RELN: variants seen among roughly 807,000 people sequenced by gnomAD.
RELN encodes the protein reelin.
Under a neutral mutation model 427.6 loss-of-function variants are expected in RELN, and 108 were observed. The observed-to-expected ratio is 0.25, with a 90% CI of 0.22 to 0.30. The LOEUF is 0.30. Ranked by LOEUF, RELN falls within the 10% of genes least tolerant of loss-of-function variation. The pLI is 1.00. For synonymous variants in RELN, 1,524 were observed against 1,513.4 expected, an observed-to-expected ratio of 1.01 and a Z score of -0.16; for missense variants, 3,715 against 4,302.8, an observed-to-expected ratio of 0.86 and a Z score of 3.82.
intron 30 of RELN, 24 bp downstream of exon 30, chr7:103,574,068 A>G (rs1414965377): frequency 6.4e-7 from 1 of 1,563,518 alleles, no homozygotes. Flanking sequence ...TTTGTGAAAA[A>G]GTATACCAGT....
chr7:103,891,328 T>C (rs1237861597), intron 2 of RELN, among the ~76,000 whole-genome samples: 1 of 152,122 alleles, frequency 6.6e-6, no homozygotes, highest in African/African-American at 2.4e-5. Flanking sequence ...AATTACAGCA[T>C]ATCATACTAA....
intron 5 of RELN, among the ~76,000 whole-genome samples, chr7:103,752,939 C>G (rs1407827968): frequency 1.3e-5 from 2 of 152,094 alleles, no homozygotes; most frequent in Non-Finnish European, 2.9e-5. Context: ...AATAGGATCT[C>G]AGGGCTGAGG....
chr7:103,533,701 C>T (rs889750521), intron 46 of RELN, among the ~76,000 whole-genome samples: 2 of 152,118 alleles, frequency 1.3e-5, no homozygotes, highest in African/African-American at 4.8e-5. Context: ...GGTCAAAATT[C>T]TTGTGGGTAT....
intron 1 of RELN, among the ~76,000 whole-genome samples, chr7:103,962,249 C>T (rs1796572857): frequency 6.6e-6 from 1 of 152,134 alleles, no homozygotes; most frequent in East Asian, 1.9e-4. Flanking sequence ...AGCACAGCCA[C>T]TCCCTCCACT....
chr7:103,809,379 C>A (rs115021569), intron 3 of RELN, among the ~76,000 whole-genome samples: 4 of 152,098 alleles, frequency 2.6e-5, no homozygotes, highest in Non-Finnish European at 5.9e-5. Context: ...ACAAAGGAAA[C>A]TGGAGGTCCA....
Position 103,563,294 on chromosome 7 carries a change from GA to G in RELN, c.5211-1342del, listed in dbSNP as rs377660384. ...GGTCTCATAAGATTATAATGGATCT[GA>G]AAAAAAATTCCTATTGCTAATTGAC... On this transcript the variant is annotated intron_variant, in intron 34 of 64. Coordinates refer to ENST00000428762, the MANE Select transcript of RELN (RefSeq NM_005045.4). This position sits in a 1 kb window ranked among gnomAD's most constrained non-coding sequence, Gnocchi z 4.1. Among the ~76,000 whole-genome samples, 4 of 152,054 alleles carry G rather than the reference GA, an allele frequency of 2.6e-5. No individual in the cohort carries two copies. Among genetic ancestry groups the G allele is most frequent in the South Asian group, 2.1e-4 (1 of 4,810 alleles).
At chr7:103,881,521 G>T in intron 2 of RELN, among the ~76,000 whole-genome samples, 1 of 151,948 alleles carries the variant, frequency 6.6e-6, no homozygotes, top group African/African-American at 2.4e-5. Flanking sequence ...TTATGTCATT[G>T]ACCTACTTCC....
intron 63 of RELN, among the ~76,000 whole-genome samples, chr7:103,478,895 C>G (rs1305918865): frequency 2.0e-5 from 3 of 151,990 alleles, no homozygotes; most frequent in African/African-American, 7.2e-5. Flanking sequence ...ATCATTTGTG[C>G]CAAAAATGTG....
At chr7:103,960,848 G>T (rs1167737912) in intron 1 of RELN, among the ~76,000 whole-genome samples, 1 of 152,180 alleles carries the variant, frequency 6.6e-6, no homozygotes, top group East Asian at 1.9e-4. Context: ...AAATGGCAAA[G>T]CCAATGTAAT....
At chr7:103,554,333 T>C (rs1830479003) in intron 38 of RELN, among the ~76,000 whole-genome samples, 1 of 150,152 alleles carries the variant, frequency 6.7e-6, no homozygotes, top group Non-Finnish European at 1.5e-5. Context: ...TCCCAGCACT[T>C]TGGGGGCCCA....
At chr7:103,737,428 T>C (rs557888911) in intron 6 of RELN, among the ~76,000 whole-genome samples, 21 of 152,336 alleles carry the variant, frequency 1.4e-4, no homozygotes, top group Non-Finnish European at 2.8e-4. Context: ...TTCTCACACT[T>C]GGCTACTAAA....
At chr7:103,937,963 T>C (rs541265462) in intron 1 of RELN, among the ~76,000 whole-genome samples, 1 of 152,294 alleles carries the variant, frequency 6.6e-6, no homozygotes, top group African/African-American at 2.4e-5. Context: ...ACCTTCATTT[T>C]TGTGAATGAA....
rs1830939961 is a variant in RELN at position 103,574,007 on chromosome 7, T to C, written c.4511+85A>G. ...GAAACATTATTGTATATATTCCCAA[T>C]AACAGAACAGAATGTTTTAAGTTAG... On this transcript the variant is annotated intron_variant, in intron 30 of 64. Transcript: ENST00000428762. 1.1e-5 allele frequency: 11 copies of C among 1,040,948 alleles called. No individual in the cohort carries two copies. The East Asian group carries it at 2.6e-4, about 25-fold the overall frequency. The allele number at this position is 1,040,948 out of a possible 1,614,324, so 64.5% of individuals were successfully genotyped here.
intron 1 of RELN, among the ~76,000 whole-genome samples, chr7:103,975,845 C>T (rs973347970): frequency 6.6e-6 from 1 of 151,532 alleles, no homozygotes; most frequent in Admixed American, 6.6e-5. Context: ...CGCACCCGGC[C>T]GGAATGGAGC....
chr7:103,569,811 A>C lies in RELN; in HGVS notation c.4588+2373T>G, dbSNP rs1432597731. Among the ~76,000 whole-genome samples, 1 of 152,224 alleles carries C rather than the reference A, an allele frequency of 6.6e-6. No individual in the cohort carries two copies. On this transcript the variant is annotated intron_variant, in intron 31 of 64. Coordinates refer to ENST00000428762, the MANE Select transcript of RELN (RefSeq NM_005045.4). This position sits in a 1 kb window ranked among gnomAD's most constrained non-coding sequence, Gnocchi z 4.0. ...AACCTCATTAGCCATGTCATCTAAC[A>C]CACTGTACATCTGAATGAACCAGGC...
At position 103,495,643 on chromosome 7, in the gene RELN, A is replaced by T; in HGVS notation, c.9369+80T>A. ...AATGAATAATATCAGTCATTTCCTTATAGTTGTCTGACTAACCATTCTCCC... is the reference window on the plus strand; with the variant it reads ...AATGAATAATATCAGTCATTTCCTTTTAGTTGTCTGACTAACCATTCTCCC... On this transcript the variant is annotated intron_variant, in intron 57 of 64. Coordinates refer to ENST00000428762, the MANE Select transcript of RELN (RefSeq NM_005045.4). 3.1e-6 allele frequency: 4 copies of T among 1,295,384 alleles called. No homozygotes were observed. The South Asian group carries it at 3.6e-5, about 12-fold the overall frequency. The allele number at this position is 1,295,384 out of a possible 1,614,324, so 80.2% of individuals were successfully genotyped here.
intron 46 of RELN, among the ~76,000 whole-genome samples, chr7:103,524,222 AAAG>A (rs1829773157): frequency 6.6e-6 from 1 of 152,166 alleles, no homozygotes; most frequent in South Asian, 2.1e-4. Context: ...CAAAATCAGA[AAAG>A]ATGACTATCT....
At chr7:103,859,780 T>C (rs1794030634) in intron 2 of RELN, among the ~76,000 whole-genome samples, 1 of 152,158 alleles carries the variant, frequency 6.6e-6, no homozygotes, top group African/African-American at 2.4e-5. Flanking sequence ...TGTTTTCATA[T>C]CAAATGTTTA....
chr7:103,574,032 G>A, intron 30 of RELN, 60 bp downstream of exon 30: 1 of 1,259,006 alleles, frequency 7.9e-7, no homozygotes, highest in Non-Finnish European at 1.2e-6. Flanking sequence ...TTTTAAGTTA[G>A]ACTACATCGT....
Sources: allele counts gnomAD v4.1 joint callset (sites outside exome capture counted in the v4.1 genomes callset), GRCh38; gene constraint gnomAD v4.1.1; non-coding constraint Gnocchi (gnomAD v3.1); transcripts MANE v1.5; gene names NCBI Gene and HGNC (gene_info 2026-07-23, HGNC 2026-07-21).